The following DTNB variants were observed in gnomAD, a reference collection of about 807,000 sequenced individuals.
The protein encoded by DTNB is dystrobrevin beta.
Under a neutral mutation model 90.7 loss-of-function variants are expected in DTNB, and 63 were observed. The observed-to-expected ratio is 0.69, with a 90% CI of 0.57 to 0.86. The LOEUF is 0.86. Among genes scored for constraint, DTNB ranks in the 40% least tolerant of loss-of-function variants. DTNB has a pLI of 0.00. For missense variants in DTNB, 744 were observed against 807.1 expected (o/e 0.92, Z 0.95); for synonymous variants, 277 against 286.7 (o/e 0.97, Z 0.34).
chr2:25,587,128 G>C (rs939759727), intron 6 of DTNB, among the ~76,000 whole-genome samples: 5 of 152,182 alleles, frequency 3.3e-5, no homozygotes, highest in African/African-American at 9.7e-5. Flanking sequence ...GCGGTGAAAA[G>C]GTAGACTGTG....
At chr2:25,482,630 A>G (rs2065201678) in intron 10 of DTNB, among the ~76,000 whole-genome samples, 166 bp downstream of exon 10, 1 of 152,160 alleles carries the variant, frequency 6.6e-6, no homozygotes, top group Non-Finnish European at 1.5e-5. Context: ...AAAAAAGGAA[A>G]ATAAAAAGTA....
chr2:25,385,930 A>T, intron 18 of DTNB: 1 of 786,026 alleles, frequency 1.3e-6, no homozygotes, highest in Non-Finnish European at 1.5e-6. Context: ...AAGTGTAGTT[A>T]ATTCCCATGG....
At chr2:25,645,854 A>G (rs2079322385) in intron 2 of DTNB, among the ~76,000 whole-genome samples, 1 of 152,242 alleles carries the variant, frequency 6.6e-6, no homozygotes, top group Non-Finnish European at 1.5e-5. Context: ...CTATATTTTA[A>G]TTGATGTTAA....
intron 3 of DTNB, among the ~76,000 whole-genome samples, chr2:25,631,982 G>A (rs1028873458): frequency 3.9e-5 from 6 of 152,038 alleles, no homozygotes; most frequent in African/African-American, 1.4e-4. Context: ...ATCACTTGAG[G>A]TCAGGAGTTC....
chr2:25,423,821 A>G (rs12470950), intron 15 of DTNB, among the ~76,000 whole-genome samples: 31,625 of 151,860 alleles, frequency 0.21, 3,807 homozygotes, highest in Non-Finnish European at 0.27. Context: ...CACCACGCTC[A>G]GGTAACTTTT....
intron 16 of DTNB, among the ~76,000 whole-genome samples, chr2:25,414,695 T>C (rs1181176817): frequency 6.6e-6 from 1 of 152,144 alleles, no homozygotes; most frequent in Non-Finnish European, 1.5e-5. Context: ...TCATACAGAG[T>C]ATAAGTCAAA....
chr2:25,378,597 G>C (rs2149480316), intron 20 of DTNB, among the ~76,000 whole-genome samples: 1 of 151,964 alleles, frequency 6.6e-6, no homozygotes, highest in Middle Eastern at 3.4e-3. Context: ...GGAGGGGAGG[G>C]AAGACAAGAT....
chr2:25,526,387 A>ATTTTT (rs1407802793), intron 9 of DTNB, among the ~76,000 whole-genome samples: 2 of 55,456 alleles, frequency 3.6e-5, no homozygotes, highest in African/African-American at 2.1e-4. Flanking sequence ...ATATATATAT[A>ATTTTT]TATATATATT....
chr2:25,493,801 A>T (rs1374573817), intron 9 of DTNB, among the ~76,000 whole-genome samples: 1 of 152,246 alleles, frequency 6.6e-6, no homozygotes, highest in Non-Finnish European at 1.5e-5. Context: ...CCTGCCCACA[A>T]GAAGTTTATA....
intron 8 of DTNB, among the ~76,000 whole-genome samples, chr2:25,535,961 C>A (rs1488300311): frequency 6.8e-6 from 1 of 147,132 alleles, no homozygotes; most frequent in East Asian, 2.1e-4. Context: ...GATGGGGCAG[C>A]CGGGCAGAGG....
chr2:25,605,048 C>T (rs537271013), intron 5 of DTNB, among the ~76,000 whole-genome samples: 171 of 152,320 alleles, frequency 1.1e-3, no homozygotes, highest in African/African-American at 3.8e-3. Context: ...AGGGGCAAGC[C>T]ACATTTTAAA....
intron 5 of DTNB, among the ~76,000 whole-genome samples, chr2:25,604,232 A>G (rs987292679): frequency 2.6e-5 from 4 of 152,198 alleles, no homozygotes; most frequent in African/African-American, 7.2e-5. Context: ...CAAGAACTGA[A>G]AAAGCATAAT....
In DTNB at chr2:25,531,461, G is replaced by A; in HGVS notation, c.1001+12C>T. On this transcript the variant is annotated intron_variant, in intron 9 of 20. Transcript: ENST00000406818. ...CAGTGTGATCCACATGCACATCCAG[G>A]GGTATACTTACACTATATGTGCAAG... is the stretch of plus-strand genomic sequence containing the variant. 1 of 1,609,196 alleles carries A rather than the reference G, an allele frequency of 6.2e-7. No homozygotes were observed. The highest frequency in any genetic ancestry group is 1.7e-4 in the Middle Eastern group (1 of 6,056).
At chr2:25,665,898 C>A (rs2084324819) in intron 1 of DTNB, among the ~76,000 whole-genome samples, 1 of 152,042 alleles carries the variant, frequency 6.6e-6, no homozygotes, top group African/African-American at 2.4e-5. Context: ...CACTCCACTA[C>A]AACAAAGAGT....
chr2:25,500,417 G>C (rs772330928), intron 9 of DTNB, among the ~76,000 whole-genome samples: 10 of 152,178 alleles, frequency 6.6e-5, no homozygotes, highest in Non-Finnish European at 1.3e-4. Flanking sequence ...AGAGGCAGCA[G>C]CGCTCCTCAT....
chr2:25,591,174 C>T (rs572523145), intron 6 of DTNB, among the ~76,000 whole-genome samples: 1 of 152,336 alleles, frequency 6.6e-6, no homozygotes, highest in Admixed American at 6.5e-5. Context: ...GCAGCGGGAG[C>T]AGACACCTCC....
chr2:25,547,876 T>C (rs1450651856), intron 8 of DTNB, among the ~76,000 whole-genome samples: 3 of 152,238 alleles, frequency 2.0e-5, no homozygotes, highest in Non-Finnish European at 4.4e-5. Context: ...TCTACTTCTT[T>C]TACCAAATTT....
chr2:25,400,926 T>C (rs1264305854), intron 16 of DTNB, among the ~76,000 whole-genome samples: 1 of 152,226 alleles, frequency 6.6e-6, no homozygotes, highest in Non-Finnish European at 1.5e-5. Context: ...GCTCTTCATT[T>C]TCAAATCAGC....
rs142181579 is a variant in DTNB at position 25,558,355 on chromosome 2, T to C, written c.876+18483A>G. ...CTGGGTCACAGAGAACACAGTGATC[T>C]TCCCACACATGGAAGCAGAAGATGC... On this transcript the variant is annotated intron_variant, in intron 8 of 20. Transcript: ENST00000406818. 4.1e-6 allele frequency: 4 copies of C among 985,404 alleles called. No individual in the cohort carries two copies. In the East Asian group the frequency reaches 3.4e-4, roughly 84 times the overall value. The allele number at this position is 985,404 out of a possible 1,614,324, so 61.0% of individuals were successfully genotyped here.
Sources: allele counts gnomAD v4.1 joint callset (sites outside exome capture counted in the v4.1 genomes callset), GRCh38; gene constraint gnomAD v4.1.1; transcripts MANE v1.5; gene names NCBI Gene and HGNC (gene_info 2026-07-23, HGNC 2026-07-21).